The following ZNF484 variants were observed in gnomAD, a reference collection of about 807,000 sequenced individuals.
The protein encoded by ZNF484 is zinc finger protein 484, also known as KRAB box containing C2H2 type zinc finger bA526D8.4.
A neutral mutation model predicts 12.9 loss-of-function variants in ZNF484; 11 were observed. The observed-to-expected ratio is 0.85, with a 90% CI of 0.54 to 1.41. ZNF484 has a LOEUF of 1.41. Among genes scored for constraint, ZNF484 ranks in the 40% most tolerant of loss-of-function variants. The pLI, the probability that ZNF484 is intolerant of heterozygous loss-of-function variation, is 0.00. For missense variants in ZNF484, 807 were observed against 1,007.7 expected (o/e 0.80, Z 2.70); for synonymous variants, 289 against 334.1 (o/e 0.86, Z 1.47).
Position 92,846,162 on chromosome 9 carries a change from T to A in ZNF484, c.*66A>T. 6.6e-7 allele frequency: 1 copy of A among 1,523,518 alleles called. No individual in the cohort carries two copies. The highest frequency in any genetic ancestry group is 1.3e-5 in the South Asian group (1 of 77,130). The allele number at this position is 1,523,518 out of a possible 1,614,324, so 94.4% of individuals were successfully genotyped here. A position where few individuals can be genotyped will look rare whatever the true frequency, so the allele number is the denominator to read the frequency against. On this transcript the variant is annotated 3_prime_UTR_variant, in exon 5 of 5. Coordinates refer to ENST00000375495, the MANE Select transcript of ZNF484 (RefSeq NM_031486.4). ...GCCACTATACATTGCTTAAACACTC[T>A]CAAAAGTGTCTCCCCATATGTGTAA...
chr9:92,850,543 CTG>C (rs1181048992), intron 4 of ZNF484, among the ~76,000 whole-genome samples: 5 of 152,122 alleles, frequency 3.3e-5, no homozygotes, highest in African/African-American at 1.2e-4. Context: ...TCTCATTTAT[CTG>C]TGTTTTCCTT....
intron 2 of ZNF484, among the ~76,000 whole-genome samples, chr9:92,858,774 G>GAGTGAAAAAATTAAAA (rs1856612010): frequency 6.6e-6 from 1 of 151,988 alleles, no homozygotes; most frequent in Non-Finnish European, 1.5e-5. Flanking sequence ...AAAAATTAAA[G>GAGTGAAAAAATTAAAA]AGTAAAAAAA....
intron 4 of ZNF484, among the ~76,000 whole-genome samples, chr9:92,850,645 G>A (rs890028985): frequency 1.2e-4 from 18 of 152,052 alleles, no homozygotes; most frequent in African/African-American, 4.3e-4. Context: ...GTGCAATGGC[G>A]CGATCTCGGC....
chr9:92,848,439 T>C lies in ZNF484; in HGVS notation c.348A>G (p.Glu116=), dbSNP rs752024779. Residue 116 remains glutamate (E), a synonymous_variant, in exon 5 of 5, where the codon GAA becomes GAG. Transcript: ENST00000375495. The surrounding 1 kb of genome is among the most constrained non-coding windows in gnomAD (Gnocchi z 4.1). ...TGTGTTCATCGTCTTTCCACAATTC[T>C]TCTAAAATGGAATATGGGTCATCTC... ...FTRDDPYSIL[E]ELWKDDEHTR... The C allele has an allele frequency of 1.9e-6, 3 of 1,614,158 alleles. No homozygotes were observed. In the Admixed American group the frequency reaches 5.0e-5, roughly 27 times the overall value.
chr9:92,864,477 A>T (rs1454378292), intron 2 of ZNF484, among the ~76,000 whole-genome samples: 1 of 152,224 alleles, frequency 6.6e-6, no homozygotes, highest in Admixed American at 6.5e-5. Context: ...TTGTGAAGAC[A>T]TCAGGCCCTG....
chr9:92,855,702 A>C, intron 4 of ZNF484, 109 bp downstream of exon 4: 1 of 954,162 alleles, frequency 1.0e-6, no homozygotes, highest in Non-Finnish European at 1.6e-6. Flanking sequence ...AGCAGTTCTA[A>C]AAGTCATTAT....
Position 92,847,544 on chromosome 9 carries a change from T to C in ZNF484, c.1243A>G (p.Thr415Ala). The change falls in exon 5 of 5, where the codon ACT becomes GCT. Residue 415 changes from threonine to alanine, a missense_variant. Physicochemically the swap from Thr to Ala is moderately conservative, Grantham distance 58. Coordinates refer to ENST00000375495, the MANE Select transcript of ZNF484 (RefSeq NM_031486.4). ...CGGATAAAGGCCTTCCCACATTCAG[T>C]ACATACATAAGGTTTTTCTCCTGTA... ...IHTGEKPYVCTECGKAFIRKS... is the reference protein window; with the variant it reads ...IHTGEKPYVCAECGKAFIRKS... 1 of 1,614,042 alleles carries C rather than the reference T, an allele frequency of 6.2e-7. No individual in the cohort carries two copies. The highest frequency in any genetic ancestry group is 1.3e-5 in the African/African-American group (1 of 75,062).
chr9:92,849,312 A>G (rs1206739942), intron 4 of ZNF484, among the ~76,000 whole-genome samples: 1 of 152,064 alleles, frequency 6.6e-6, no homozygotes. Context: ...GAGAGAGACT[A>G]TATAAATATA....
rs1855483873 is a variant in ZNF484, at chr9:92,844,575, G to C, written c.*1653C>G. The stretch of plus-strand genomic sequence containing the variant: ...GATAAATTTCAAAGGAGACAGAAAA[G>C]CAGATTGCCTGCAAAGGTAATTATA... On this transcript the variant is annotated 3_prime_UTR_variant, in exon 5 of 5. Transcript: ENST00000375495. 6.6e-6 allele frequency among the ~76,000 whole-genome samples: 1 copy of C among 152,130 alleles called. No individual in the cohort carries two copies. The highest frequency in any genetic ancestry group is 2.1e-4 in the South Asian group (1 of 4,832).
At chr9:92,873,887 T>C (rs1857614076) in intron 2 of ZNF484, among the ~76,000 whole-genome samples, 1 of 151,724 alleles carries the variant, frequency 6.6e-6, no homozygotes, top group South Asian at 2.1e-4. Context: ...CCTTCATAAA[T>C]ATGATACAAA....
At chr9:92,876,979 T>C (rs1339362588) in intron 1 of ZNF484, among the ~76,000 whole-genome samples, 1 of 152,170 alleles carries the variant, frequency 6.6e-6, no homozygotes, top group Non-Finnish European at 1.5e-5. Context: ...AAGGAAAATC[T>C]TGATAAATTG....
rs1855481546 is a variant in ZNF484, at chr9:92,844,510, G to C, written c.*1718C>G. 6.6e-6 allele frequency among the ~76,000 whole-genome samples: 1 copy of C among 151,932 alleles called. No homozygotes were observed. Among genetic ancestry groups the C allele is most frequent in the South Asian group, 2.1e-4 (1 of 4,824 alleles). On this transcript the variant is annotated 3_prime_UTR_variant, in exon 5 of 5. Coordinates refer to ENST00000375495, the MANE Select transcript of ZNF484 (RefSeq NM_031486.4). ...TAAATACATGGAAAAATTACACCTAGGCATATCAATGTGCAACAGTTAAAA... is the reference window on the plus strand; with the variant it reads ...TAAATACATGGAAAAATTACACCTACGCATATCAATGTGCAACAGTTAAAA...
intron 4 of ZNF484, among the ~76,000 whole-genome samples, chr9:92,852,066 G>A (rs141610457): frequency 1.3e-3 from 192 of 152,224 alleles, no homozygotes; most frequent in African/African-American, 4.6e-3. Flanking sequence ...CTGAAATAGA[G>A]CAAAACGACC....
Position 92,846,653 on chromosome 9 carries a change from T to C in ZNF484, c.2134A>G (p.Arg712Gly). Reference protein sequence around the residue: ...ARKSTLIMHQRIHTGEKPYIC... With the variant: ...ARKSTLIMHQGIHTGEKPYIC... ...TAGGGTTTCTCTCCTGTATGAATTC[T>C]CTGATGCATAATTAGTGTTGATTTT... Residue 712 changes from arginine to glycine, a missense_variant, in exon 5 of 5, where the codon AGA becomes GGA. Coordinates refer to ENST00000375495, the MANE Select transcript of ZNF484 (RefSeq NM_031486.4). 6.2e-7 allele frequency: 1 copy of C among 1,613,962 alleles called. No individual in the cohort carries two copies.
rs78205871 is a variant in ZNF484, at chr9:92,844,312, T to C, written c.*1916A>G. ...AGGCCAACAGAACTGGGTAATAAGG[T>C]TATCCCTAAAAGAAACAGAGAAGGA... On this transcript the variant is annotated 3_prime_UTR_variant, in exon 5 of 5. Coordinates refer to ENST00000375495, the MANE Select transcript of ZNF484 (RefSeq NM_031486.4). Among the ~76,000 whole-genome samples the C allele has an allele frequency of 3.3e-3, 497 of 152,174 alleles. 1 individual carries two copies. Among genetic ancestry groups the C allele is most frequent in the African/African-American group, 0.011 (465 of 41,522 alleles).
At position 92,848,460 on chromosome 9, in the gene ZNF484, A is replaced by C; in HGVS notation, c.327T>G (p.Asp109Glu). 6.2e-7 allele frequency: 1 copy of C among 1,614,078 alleles called. No individual in the cohort carries two copies. The highest frequency in any genetic ancestry group is 1.1e-5 in the South Asian group (1 of 91,074). ...ATTCTTCTAAAATGGAATATGGGTC[A>C]TCTCTTGTGAAGAGATTAATATTAA... ...SEININLFTR[D>E]DPYSILEELW... The change falls in exon 5 of 5, where the codon GAT becomes GAG. Residue 109 changes from aspartate (D) to glutamate (E), a missense_variant. By Grantham distance (45) the Asp-to-Glu change is conservative. Coordinates refer to ENST00000375495, the MANE Select transcript of ZNF484 (RefSeq NM_031486.4). This position sits in a 1 kb window ranked among gnomAD's most constrained non-coding sequence, Gnocchi z 4.1.
At chr9:92,856,166 T>C (rs777045332) in intron 3 of ZNF484, 26 bp downstream of exon 3, 17 of 1,611,598 alleles carry the variant, frequency 1.1e-5, no homozygotes, top group Non-Finnish European at 8.5e-6. Context: ...TGCAGCCTAC[T>C]CTATACCCAG....
At chr9:92,855,738 G>GTTGGGCAAAT (rs1335940457) in intron 4 of ZNF484, 73 bp downstream of exon 4, 1 of 1,441,412 alleles carries the variant, frequency 6.9e-7, no homozygotes, top group African/African-American at 1.4e-5. Flanking sequence ...GTTGGGCAAA[G>GTTGGGCAAAT]TTGGGCACAG....
chr9:92,867,793 G>C (rs145318535), intron 2 of ZNF484, among the ~76,000 whole-genome samples: 2 of 152,090 alleles, frequency 1.3e-5, no homozygotes, highest in Non-Finnish European at 2.9e-5. Context: ...TTTAATCCAC[G>C]TCCTCTTTCT....
Sources: allele counts gnomAD v4.1 joint callset (sites outside exome capture counted in the v4.1 genomes callset), GRCh38; gene constraint gnomAD v4.1.1; non-coding constraint Gnocchi (gnomAD v3.1); transcripts MANE v1.5; gene names NCBI Gene and HGNC (gene_info 2026-07-23, HGNC 2026-07-21).